MAML2: variants seen among roughly 807,000 people sequenced by gnomAD.
MAML2 encodes the protein mastermind like transcriptional coactivator 2.
In MAML2, 22 loss-of-function variants were observed where a neutral mutation model predicts 96.1. The observed-to-expected ratio is 0.23, with a 90% confidence interval of 0.16 to 0.33. The LOEUF is 0.33. MAML2 is among the 10% of genes least tolerant of loss of function. MAML2 has a pLI of 1.00. For missense variants in MAML2, 1,367 were observed against 1,392.4 expected (o/e 0.98, Z 0.29); for synonymous variants, 561 against 521.3 (o/e 1.08, Z -1.04).
intron 2 of MAML2, among the ~76,000 whole-genome samples, chr11:96,089,665 C>T (rs879702441): frequency 1.4e-4 from 21 of 152,274 alleles, no homozygotes; most frequent in Middle Eastern, 3.4e-3. Flanking sequence ...GACTACACAG[C>T]TGAAGTATAC....
chr11:96,216,121 A>T (rs1186520187), intron 1 of MAML2, among the ~76,000 whole-genome samples: 1 of 152,180 alleles, frequency 6.6e-6, no homozygotes, highest in Non-Finnish European at 1.5e-5. Flanking sequence ...GTGTCTTCAG[A>T]AGTTGGTAGT....
At chr11:96,216,783 G>A (rs1464730680) in intron 1 of MAML2, among the ~76,000 whole-genome samples, 1 of 152,162 alleles carries the variant, frequency 6.6e-6, no homozygotes, top group African/African-American at 2.4e-5. Flanking sequence ...TCTCACAGAG[G>A]GTGTGAATTC....
At chr11:96,230,701 G>A (rs1226629238) in intron 1 of MAML2, among the ~76,000 whole-genome samples, 2 of 152,188 alleles carry the variant, frequency 1.3e-5, no homozygotes, top group Non-Finnish European at 1.5e-5. Flanking sequence ...GACCTATAGA[G>A]TCCCAACGTT....
intron 1 of MAML2, among the ~76,000 whole-genome samples, chr11:96,319,915 A>G (rs1230130160): frequency 6.6e-6 from 1 of 152,222 alleles, no homozygotes; most frequent in African/African-American, 2.4e-5. Flanking sequence ...GTACATTCTG[A>G]AGGCCAACTC....
chr11:96,283,088 TC>T (rs1215579647), intron 1 of MAML2, among the ~76,000 whole-genome samples: 2 of 152,222 alleles, frequency 1.3e-5, no homozygotes, highest in Non-Finnish European at 2.9e-5. Flanking sequence ...GAATGAAAGA[TC>T]GTGTAATCCA....
intron 1 of MAML2, among the ~76,000 whole-genome samples, chr11:96,317,323 G>A (rs572029037): frequency 3.3e-5 from 5 of 152,074 alleles, no homozygotes; most frequent in South Asian, 4.1e-4. Flanking sequence ...TTTCATATCC[G>A]ACCTCCAAAA....
chr11:96,212,108 AGTGTGTGTGTGTGTGT>A (rs72133828), intron 1 of MAML2, among the ~76,000 whole-genome samples: 13 of 134,146 alleles, frequency 9.7e-5, no homozygotes, highest in Non-Finnish European at 1.4e-4. Context: ...AGGAAGACAA[AGTGTGTGTGTGTGTGT>A]GTGTGTGTGT....
At chr11:96,097,482 C>A (rs1859851092) in intron 1 of MAML2, among the ~76,000 whole-genome samples, 1 of 152,080 alleles carries the variant, frequency 6.6e-6, no homozygotes, top group Admixed American at 6.6e-5. Flanking sequence ...GGGCCTGAAT[C>A]TTCCAGAAAA....
intron 1 of MAML2, among the ~76,000 whole-genome samples, chr11:96,314,659 T>C (rs1315684484): frequency 6.6e-6 from 1 of 152,202 alleles, no homozygotes; most frequent in East Asian, 1.9e-4. Flanking sequence ...CTTAACTTTT[T>C]TTCCCCTTTT....
chr11:96,313,204 G>C (rs1190254929), intron 1 of MAML2, among the ~76,000 whole-genome samples: 2 of 152,074 alleles, frequency 1.3e-5, no homozygotes, highest in Admixed American at 6.5e-5. Context: ...GTAGAGCTGG[G>C]GCTCACAACC....
At chr11:96,141,451 C>T (rs1428808005) in intron 1 of MAML2, among the ~76,000 whole-genome samples, 1 of 152,100 alleles carries the variant, frequency 6.6e-6, no homozygotes, top group Admixed American at 6.5e-5. Flanking sequence ...CCAGCTAGAG[C>T]CCCAGTTGTG....
At position 96,118,403 on chromosome 11, in the gene MAML2, C is replaced by T. The variant is rs557092498; in HGVS notation, c.514-24886G>A. Among the ~76,000 whole-genome samples the T allele has an allele frequency of 2.8e-4, 43 of 152,250 alleles. 1 individual carries two copies. The East Asian group carries it at 4.1e-3, about 14-fold the overall frequency. On this transcript the variant is annotated intron_variant, in intron 1 of 4. Transcript: ENST00000524717. The stretch of plus-strand genomic sequence containing the variant: ...TTTAAAAGTGAAACTCCTCCCTTTG[C>T]GGTCTTTCTTCTACTGCCATGAAAG...
At chr11:95,996,040 G>T (rs979478677) in intron 2 of MAML2, among the ~76,000 whole-genome samples, 1 of 151,820 alleles carries the variant, frequency 6.6e-6, no homozygotes, top group Non-Finnish European at 1.5e-5. Flanking sequence ...TCCTGCACAT[G>T]TACCCGGGAA....
At chr11:96,141,245 A>G (rs908165564) in intron 1 of MAML2, among the ~76,000 whole-genome samples, 2 of 152,144 alleles carry the variant, frequency 1.3e-5, no homozygotes, top group Non-Finnish European at 2.9e-5. Flanking sequence ...GGAAAACAAA[A>G]CAAAACATTA....
chr11:96,100,399 TC>T (rs1859905873), intron 1 of MAML2, among the ~76,000 whole-genome samples: 1 of 150,890 alleles, frequency 6.6e-6, no homozygotes, highest in Non-Finnish European at 1.5e-5. Flanking sequence ...AACCTCCGCC[TC>T]CCAGGTTCAT....
intron 2 of MAML2, among the ~76,000 whole-genome samples, chr11:96,041,480 AAG>A (rs1858808451): frequency 6.8e-6 from 1 of 147,294 alleles, no homozygotes; most frequent in African/African-American, 2.5e-5. Context: ...ACTCCATAAA[AAG>A]AAAGAAAGAA....
At chr11:96,231,221 G>A (rs1862289136) in intron 1 of MAML2, among the ~76,000 whole-genome samples, 1 of 152,090 alleles carries the variant, frequency 6.6e-6, no homozygotes, top group South Asian at 2.1e-4. Context: ...ATCACCATCT[G>A]TAGCCCTCAC....
At chr11:96,041,163 C>T (rs1390829791) in intron 2 of MAML2, among the ~76,000 whole-genome samples, 1 of 151,880 alleles carries the variant, frequency 6.6e-6, no homozygotes, top group East Asian at 1.9e-4. Context: ...TATGGATTTT[C>T]AAGTAGGTTG....
intron 1 of MAML2, among the ~76,000 whole-genome samples, chr11:96,313,609 T>C (rs1863580443): frequency 6.6e-6 from 1 of 152,176 alleles, no homozygotes; most frequent in Admixed American, 6.5e-5. Context: ...TCCTCTTTCC[T>C]GTCACTGTTT....
Sources: gnomAD v4.1 joint callset for allele counts (sites outside exome capture counted in the v4.1 genomes callset) on GRCh38, gnomAD v4.1.1 for gene constraint, MANE v1.5 for transcripts, NCBI Gene and HGNC (gene_info 2026-07-23, HGNC 2026-07-21) for gene names.